The following LSM14A variants were observed in gnomAD, a reference collection of about 807,000 sequenced individuals.
LSM14A encodes protein LSM14 homolog A.
Under a neutral mutation model 52.4 loss-of-function variants are expected in LSM14A, and 14 were observed. The ratio of observed to expected loss-of-function variants is 0.27; its 90% confidence interval spans 0.18 to 0.42. The LOEUF (loss-of-function observed/expected upper bound fraction) is 0.42. Among genes scored for constraint, LSM14A ranks in the 10% least tolerant of loss-of-function variants. LSM14A has a pLI of 1.00. For missense variants in LSM14A, 417 were observed against 581.8 expected, an observed-to-expected ratio of 0.72 and a Z score of 2.91; for synonymous variants, 185 against 200.3, an observed-to-expected ratio of 0.92 and a Z score of 0.64.
chr19:34,216,102 A>T (rs1237915717), intron 6 of LSM14A, among the ~76,000 whole-genome samples: 1 of 152,212 alleles, frequency 6.6e-6, no homozygotes, highest in Admixed American at 6.5e-5. Context: ...ACTTTAAAAT[A>T]AAAAGATTTT....
intron 6 of LSM14A, among the ~76,000 whole-genome samples, chr19:34,217,619 G>GCC (rs2072739149): frequency 7.3e-5 from 1 of 13,768 alleles, no homozygotes; most frequent in Admixed American, 1.3e-3. Context: ...CCCCCCCCGT[G>GCC]TTTTTTTTTT....
intron 1 of LSM14A, 50 bp downstream of exon 1, chr19:34,172,813 G>C (rs2068795187): frequency 6.6e-7 from 1 of 1,513,378 alleles, no homozygotes; most frequent in African/African-American, 1.5e-5. Flanking sequence ...CGCCGCTCGG[G>C]GCTGCTCCCC....
chr19:34,198,468 C>A (rs748378949), intron 3 of LSM14A, among the ~76,000 whole-genome samples: 5 of 151,918 alleles, frequency 3.3e-5, no homozygotes, highest in Non-Finnish European at 7.4e-5. Flanking sequence ...ACAAAATTAG[C>A]TGGACGTGGT....
chr19:34,208,906 T>C, intron 3 of LSM14A, 23 bp from the exon 4 acceptor site: 2 of 1,507,224 alleles, frequency 1.3e-6, no homozygotes, highest in Non-Finnish European at 1.8e-6. Context: ...AATTTTTTTA[T>C]CATTTAAAAA....
intron 6 of LSM14A, 82 bp downstream of exon 6, chr19:34,215,743 A>G (rs1453818964): frequency 1.2e-5 from 12 of 1,013,388 alleles, no homozygotes; most frequent in Non-Finnish European, 6.0e-6. Flanking sequence ...AATTACTATA[A>G]AAAAATGAAA....
intron 1 of LSM14A, among the ~76,000 whole-genome samples, chr19:34,192,118 T>C (rs990960917): frequency 3.3e-5 from 5 of 152,118 alleles, no homozygotes; most frequent in African/African-American, 1.2e-4. Context: ...TAATAAAATT[T>C]CGTGGTATGA....
chr19:34,174,508 T>TA (rs1478473509), intron 1 of LSM14A, among the ~76,000 whole-genome samples: 1 of 152,228 alleles, frequency 6.6e-6, no homozygotes, highest in East Asian at 1.9e-4. Context: ...AGTGACACAT[T>TA]ACCTCATTAA....
rs555212691 is a variant in LSM14A at position 34,186,565 on chromosome 19, T to C, written c.122-7913T>C. The stretch of plus-strand genomic sequence containing the variant: ...CTCTTTCTGTGTTTGTATATGCACA[T>C]CTGATTTATTCTGTTTCTCTATAAA... On this transcript the variant is annotated intron_variant, in intron 1 of 9. Transcript: ENST00000544216. Among the ~76,000 whole-genome samples, 4 of 152,330 alleles carry C rather than the reference T, an allele frequency of 2.6e-5. No homozygotes were observed. The South Asian group carries it at 8.3e-4, about 32-fold the overall frequency.
intron 4 of LSM14A, among the ~76,000 whole-genome samples, chr19:34,210,421 C>T (rs910106148): frequency 2.0e-5 from 3 of 152,076 alleles, no homozygotes; most frequent in Admixed American, 2.0e-4. Context: ...AGGCACGTGC[C>T]ACCACGCCCA....
chr19:34,221,061 G>A (rs1054048034), intron 8 of LSM14A, among the ~76,000 whole-genome samples: 6 of 150,074 alleles, frequency 4.0e-5, no homozygotes, highest in Admixed American at 2.7e-4. Context: ...TGAACAACTC[G>A]TGATAACTTA....
intron 3 of LSM14A, among the ~76,000 whole-genome samples, chr19:34,198,019 T>TA (rs1568484000): frequency 2.7e-5 from 4 of 146,696 alleles, no homozygotes; most frequent in African/African-American, 1.1e-4. Flanking sequence ...AGAACAGCTT[T>TA]TAAAAAAAAA....
chr19:34,197,374 AGCCACT>A (rs2070921820), intron 3 of LSM14A, among the ~76,000 whole-genome samples: 1 of 150,038 alleles, frequency 6.7e-6, no homozygotes, highest in Admixed American at 6.6e-5. Context: ...TACAGGTGTG[AGCCACT>A]GCGCCTGGCC....
intron 9 of LSM14A, chr19:34,226,582 C>T (rs1299181806): frequency 1.5e-5 from 13 of 852,348 alleles, no homozygotes; most frequent in Non-Finnish European, 2.2e-5. Context: ...AGTTTAATAA[C>T]GGGGTGCAAA....
chr19:34,222,449 A>G (rs1245353241), intron 9 of LSM14A, among the ~76,000 whole-genome samples: 2 of 152,400 alleles, frequency 1.3e-5, no homozygotes, highest in African/African-American at 2.4e-5. Flanking sequence ...TTAAGTCAGC[A>G]TAGTAACTAT....
chr19:34,192,316 GTTGTTTTTT>G (rs1420545052), intron 1 of LSM14A, among the ~76,000 whole-genome samples: 12 of 65,814 alleles, frequency 1.8e-4, no homozygotes, highest in African/African-American at 2.3e-4. Flanking sequence ...CATTCTTTTT[GTTGTTTTTT>G]TTTTTTTTTT....
intron 1 of LSM14A, among the ~76,000 whole-genome samples, chr19:34,185,256 G>A (rs1568474880): frequency 6.6e-6 from 1 of 152,110 alleles, no homozygotes; most frequent in Admixed American, 6.5e-5. Context: ...TTTGTCATTG[G>A]GTCGCCAGTG....
chr19:34,188,403 C>T, intron 1 of LSM14A, among the ~76,000 whole-genome samples: 1 of 152,196 alleles, frequency 6.6e-6, no homozygotes, highest in East Asian at 1.9e-4. Context: ...TTGTCATTCT[C>T]TGTATTCTCT....
intron 9 of LSM14A, among the ~76,000 whole-genome samples, chr19:34,225,264 A>C (rs544650258): frequency 6.6e-6 from 1 of 152,216 alleles, no homozygotes; most frequent in African/African-American, 2.4e-5. Context: ...TGTTCATTCC[A>C]GAGTTGAATA....
intron 1 of LSM14A, among the ~76,000 whole-genome samples, chr19:34,176,096 C>G (rs929219591): frequency 6.6e-6 from 1 of 152,158 alleles, no homozygotes; most frequent in Non-Finnish European, 1.5e-5. Flanking sequence ...ATGATCCACC[C>G]ACCTTGGCCT....
Sources: allele counts gnomAD v4.1 joint callset (sites outside exome capture counted in the v4.1 genomes callset), GRCh38; gene constraint gnomAD v4.1.1; transcripts MANE v1.5; gene names NCBI Gene and HGNC (gene_info 2026-07-23, HGNC 2026-07-21).